The following ETFA variants were observed in gnomAD, a reference collection of about 807,000 sequenced individuals.
ETFA encodes the protein electron transfer flavoprotein subunit alpha, mitochondrial.
In ETFA, 22 loss-of-function variants were observed where a neutral mutation model predicts 46.2. The ratio of observed to expected loss-of-function variants is 0.48; its 90% CI spans 0.34 to 0.68. ETFA has a LOEUF of 0.68. ETFA is among the 30% of genes least tolerant of loss of function. The probability of loss-of-function intolerance (pLI) is 0.01; values close to 1 mark genes in which losing one functional copy is unlikely to be tolerated. For missense variants in ETFA, 345 were observed against 401.1 expected (o/e 0.86, Z 1.19); for synonymous variants, 131 against 139.9 (o/e 0.94, Z 0.45).
intron 9 of ETFA, among the ~76,000 whole-genome samples, chr15:76,256,805 T>C (rs944349442): frequency 6.6e-6 from 1 of 152,230 alleles, no homozygotes; most frequent in Non-Finnish European, 1.5e-5. Context: ...TGTAACATCA[T>C]AGCACAACAT....
intron 8 of ETFA, 67 bp from the exon 9 acceptor site, chr15:76,274,561 A>C (rs1346286024): frequency 8.3e-6 from 10 of 1,209,142 alleles, no homozygotes; most frequent in Admixed American, 1.9e-5. Context: ...ATATTCACTG[A>C]TAACTGTAAA....
chr15:76,223,302 C>G (rs8035270), intron 11 of ETFA, among the ~76,000 whole-genome samples: 105 of 149,154 alleles, frequency 7.0e-4, no homozygotes, highest in African/African-American at 2.5e-3. Context: ...ACTGTAACCT[C>G]TGCCTCCCAG....
At chr15:76,257,276 T>G (rs1368426284) in intron 9 of ETFA, among the ~76,000 whole-genome samples, 2 of 152,282 alleles carry the variant, frequency 1.3e-5, no homozygotes, top group Admixed American at 6.5e-5. Context: ...AGAGGGGAAG[T>G]TGGCACTAAA....
intron 9 of ETFA, among the ~76,000 whole-genome samples, chr15:76,232,968 GAAA>G (rs994062027): frequency 5.3e-5 from 8 of 152,162 alleles, no homozygotes; most frequent in Non-Finnish European, 1.5e-5. Context: ...ATGTAACCTG[GAAA>G]AGGAAACAAT....
At chr15:76,241,522 T>G (rs2141473567) in intron 9 of ETFA, among the ~76,000 whole-genome samples, 1 of 152,062 alleles carries the variant, frequency 6.6e-6, no homozygotes, top group South Asian at 2.1e-4. Flanking sequence ...TTTATTTGGC[T>G]GGGCGCAGTG....
At chr15:76,250,839 C>A (rs1376216681) in intron 9 of ETFA, among the ~76,000 whole-genome samples, 1 of 151,874 alleles carries the variant, frequency 6.6e-6, no homozygotes, top group African/African-American at 2.4e-5. Context: ...CCATGCCCAG[C>A]CAGTAATGGT....
chr15:76,243,877 A>T (rs1442194013), intron 9 of ETFA, among the ~76,000 whole-genome samples: 1 of 151,584 alleles, frequency 6.6e-6, no homozygotes, highest in Non-Finnish European at 1.5e-5. Context: ...AATTATTATT[A>T]TTATTGTTAT....
chr15:76,263,424 G>A (rs746132689), intron 9 of ETFA, among the ~76,000 whole-genome samples: 3 of 152,232 alleles, frequency 2.0e-5, no homozygotes. Context: ...AGGGACGACT[G>A]AAAGAAGCTC....
At chr15:76,287,814 A>T (rs2039716778) in intron 5 of ETFA, 32 bp downstream of exon 5, 3 of 1,368,148 alleles carry the variant, frequency 2.2e-6, no homozygotes, top group Non-Finnish European at 3.1e-6. Context: ...AAAATTTAAC[A>T]TGTTGATTAA....
At chr15:76,257,539 G>A (rs2039357131) in intron 9 of ETFA, among the ~76,000 whole-genome samples, 1 of 152,166 alleles carries the variant, frequency 6.6e-6, no homozygotes, top group Non-Finnish European at 1.5e-5. Context: ...AGAGGATGTG[G>A]AGAAAGAGGA....
Position 76,307,938 on chromosome 15 carries a change from C to T in ETFA, c.39+3412G>A, listed in dbSNP as rs181871305. ...AATGCATTAATGGTTAGCTACAGAA[C>T]ATTTTTTTTTTAATTTCAAGAGTGG... On this transcript the variant is annotated intron_variant, in intron 1 of 11. Transcript: ENST00000557943. Among the ~76,000 whole-genome samples the T allele has an allele frequency of 2.4e-3, 370 of 151,984 alleles. 2 individuals carry two copies. The highest frequency in any genetic ancestry group is 8.5e-3 in the African/African-American group (351 of 41,428).
intron 1 of ETFA, among the ~76,000 whole-genome samples, chr15:76,309,734 C>T (rs996240478): frequency 3.9e-5 from 6 of 152,152 alleles, no homozygotes; most frequent in African/African-American, 1.4e-4. Context: ...TTTCCAACTG[C>T]TGCATAGAGC....
At chr15:76,219,097 C>A (rs867853911) in intron 11 of ETFA, among the ~76,000 whole-genome samples, 3 of 152,168 alleles carry the variant, frequency 2.0e-5, no homozygotes, top group Non-Finnish European at 4.4e-5. Flanking sequence ...AAATGAGGCA[C>A]AGACAGAGAT....
At chr15:76,299,545 A>G (rs1453299839) in intron 1 of ETFA, among the ~76,000 whole-genome samples, 1 of 152,110 alleles carries the variant, frequency 6.6e-6, no homozygotes, top group Admixed American at 6.5e-5. Flanking sequence ...GGCCTCCCAG[A>G]GTGCTTGGAT....
chr15:76,229,774 A>T (rs558318930), intron 10 of ETFA, among the ~76,000 whole-genome samples: 1 of 152,214 alleles, frequency 6.6e-6, no homozygotes, highest in Non-Finnish European at 1.5e-5. Context: ...AATTAGAAGA[A>T]GTTAAGCCTG....
chr15:76,279,742 C>G (rs1485855393), intron 8 of ETFA, among the ~76,000 whole-genome samples: 1 of 152,050 alleles, frequency 6.6e-6, no homozygotes, highest in Non-Finnish European at 1.5e-5. Context: ...CAATTTTTTC[C>G]CCCCTCAATG....
intron 9 of ETFA, among the ~76,000 whole-genome samples, chr15:76,257,974 A>T (rs1316639240): frequency 1.5e-5 from 2 of 136,002 alleles, no homozygotes; most frequent in Admixed American, 1.6e-4. Context: ...AACAATGAGA[A>T]CACATGGACA....
chr15:76,226,779 T>C (rs963498943), intron 10 of ETFA, among the ~76,000 whole-genome samples: 9 of 152,140 alleles, frequency 5.9e-5, no homozygotes, highest in African/African-American at 2.2e-4. Flanking sequence ...CTCGGGAGGC[T>C]GAGGCAGGAG....
intron 9 of ETFA, among the ~76,000 whole-genome samples, chr15:76,269,541 A>G (rs1306634055): frequency 1.3e-5 from 2 of 152,142 alleles, no homozygotes; most frequent in South Asian, 4.1e-4. Flanking sequence ...GGCCTCCCAG[A>G]GCTTGGGGCC....
Sources: allele counts gnomAD v4.1 joint callset (sites outside exome capture counted in the v4.1 genomes callset), GRCh38; gene constraint gnomAD v4.1.1; transcripts MANE v1.5; gene names NCBI Gene and HGNC (gene_info 2026-07-23, HGNC 2026-07-21).